The following NLRP11 variants were observed in gnomAD, a reference collection of about 807,000 sequenced individuals.
NLRP11 encodes NACHT, LRR and PYD domains-containing protein 11.
A neutral mutation model predicts 79.3 loss-of-function variants in NLRP11; 53 were observed. The observed-to-expected ratio is 0.67, with a 90% CI of 0.54 to 0.84. NLRP11 has a LOEUF of 0.84. Among genes scored for constraint, NLRP11 ranks in the 40% least tolerant of loss-of-function variants. NLRP11 has a pLI of 0.00. For missense variants in NLRP11, 1,264 were observed against 1,255.0 expected (o/e 1.01, Z -0.11); for synonymous variants, 518 against 462.6 (o/e 1.12, Z -1.54).
At chr19:55,829,805 C>G (rs1260402349) in intron 1 of NLRP11, among the ~76,000 whole-genome samples, 2 of 152,092 alleles carry the variant, frequency 1.3e-5, no homozygotes, top group Admixed American at 6.6e-5. Flanking sequence ...CAGTTGACTC[C>G]TGAACTCAAA....
intron 9 of NLRP11, among the ~76,000 whole-genome samples, chr19:55,787,447 G>A (rs529652439): frequency 2.0e-5 from 3 of 152,114 alleles, no homozygotes; most frequent in South Asian, 2.1e-4. Flanking sequence ...AGTGATTCTC[G>A]TGCCTCAGCC....
chr19:55,832,320 A>T (rs1982876214), upstream of NLRP11, among the ~76,000 whole-genome samples: 1 of 152,230 alleles, frequency 6.6e-6, no homozygotes, highest in South Asian at 2.1e-4. Flanking sequence ...ATTTCGGATA[A>T]CCATCTATAC....
At chr19:55,810,176 T>C in exon 3 of NLRP11, 1 of 1,614,040 alleles carries the variant, frequency 6.2e-7, no homozygotes, top group Non-Finnish European at 8.5e-7. Flanking sequence ...ATTGAGATTG[T>C]TTGCTGAATA....
At chr19:55,823,560 G>T (rs1982024794) in intron 1 of NLRP11, among the ~76,000 whole-genome samples, 1 of 141,216 alleles carries the variant, frequency 7.1e-6, no homozygotes, top group Non-Finnish European at 1.5e-5. Context: ...ATACAGAGAA[G>T]TGCTTAAAGG....
intron 2 of NLRP11, among the ~76,000 whole-genome samples, chr19:55,813,025 C>T (rs1340286783): frequency 1.3e-5 from 2 of 152,096 alleles, no homozygotes; most frequent in Non-Finnish European, 2.9e-5. Context: ...ATGTTGAAAA[C>T]TTATTAAAAT....
intron 4 of NLRP11, among the ~76,000 whole-genome samples, chr19:55,807,603 C>T (rs1980122530): frequency 6.6e-6 from 1 of 152,204 alleles, no homozygotes; most frequent in South Asian, 2.1e-4. Context: ...CTAGATAAAC[C>T]TTTCCTTCTC....
intron 7 of NLRP11, among the ~76,000 whole-genome samples, chr19:55,791,364 G>A (rs1990225591): frequency 6.6e-6 from 1 of 152,176 alleles, no homozygotes. Flanking sequence ...ATTCTAGAAA[G>A]AAAAGATATC....
intron 4 of NLRP11, among the ~76,000 whole-genome samples, chr19:55,804,190 C>A (rs76582587): frequency 6.6e-6 from 1 of 152,008 alleles, no homozygotes; most frequent in Non-Finnish European, 1.5e-5. Context: ...TCGACCATTG[C>A]GGAAAGCAGT....
chr19:55,808,971 A>G, exon 3 of NLRP11: 2 of 1,614,134 alleles, frequency 1.2e-6, no homozygotes, highest in East Asian at 4.5e-5. Context: ...TAGAGACAGT[A>G]AAACAAAGGC....
In NLRP11 at chr19:55,809,303, A is replaced by G. The variant is rs758133484; in HGVS notation, c.1307T>C (p.Leu436Pro). Residue 436 changes from leucine to proline, a missense_variant, in exon 3 of 10, where the codon CTT (leucine) becomes CCT (proline). Transcript: ENST00000589093. This position sits in a 1 kb window ranked among gnomAD's most constrained non-coding sequence, Gnocchi z 4.5. ...GTCTTTATGAGTGTTGCTCGGCAAAAGAATATTCGCGGCCTGCAACACAGA... is the reference window on the plus strand; with the variant it reads ...GTCTTTATGAGTGTTGCTCGGCAAAGGAATATTCGCGGCCTGCAACACAGA... 3 of 1,613,916 alleles carry G rather than the reference A, an allele frequency of 1.9e-6. No individual in the cohort carries two copies. The Admixed American group carries it at 5.0e-5, about 27-fold the overall frequency.
At chr19:55,806,777 G>A (rs1002575089) in intron 4 of NLRP11, among the ~76,000 whole-genome samples, 3 of 152,242 alleles carry the variant, frequency 2.0e-5, no homozygotes, top group Non-Finnish European at 4.4e-5. Flanking sequence ...ACATACTTGT[G>A]AGCCATCTCC....
At chr19:55,812,849 T>C (rs772030386) in intron 2 of NLRP11, among the ~76,000 whole-genome samples, 4 of 152,224 alleles carry the variant, frequency 2.6e-5, no homozygotes, top group African/African-American at 9.6e-5. Context: ...TCACCTTTTA[T>C]GATGAGCAAA....
exon 4 of NLRP11, chr19:55,807,867 T>C: frequency 1.9e-6 from 3 of 1,611,600 alleles, no homozygotes; most frequent in Non-Finnish European, 2.5e-6. Flanking sequence ...GTGTGCGAAG[T>C]TTACAGCTAG....
At chr19:55,811,970 T>TACACACACACACAC (rs3973377) in intron 2 of NLRP11, among the ~76,000 whole-genome samples, 36 of 149,214 alleles carry the variant, frequency 2.4e-4, no homozygotes, top group Middle Eastern at 3.4e-3. Flanking sequence ...TTCACACATG[T>TACACACACACACAC]ACACACACAC....
chr19:55,793,352 T>C (rs1268555575), intron 6 of NLRP11, among the ~76,000 whole-genome samples: 6 of 151,928 alleles, frequency 3.9e-5, no homozygotes, highest in Non-Finnish European at 8.8e-5. Flanking sequence ...GAAGATCACC[T>C]GAGTTCAGGA....
intron 2 of NLRP11, among the ~76,000 whole-genome samples, chr19:55,811,633 G>A (rs571698542): frequency 6.6e-6 from 1 of 152,180 alleles, no homozygotes; most frequent in Admixed American, 6.5e-5. Context: ...GCCTGGCAGA[G>A]ACAGGACTTT....
intron 4 of NLRP11, 50 bp from the exon 5 acceptor site, chr19:55,801,789 TCTC>T: frequency 6.7e-7 from 1 of 1,503,060 alleles, no homozygotes; most frequent in South Asian, 1.1e-5. Flanking sequence ...CTGAACATCT[TCTC>T]CACAATTTCT....
At chr19:55,788,037 C>T (rs954384638) in intron 9 of NLRP11, among the ~76,000 whole-genome samples, 2 of 152,186 alleles carry the variant, frequency 1.3e-5, no homozygotes, top group African/African-American at 4.8e-5. Context: ...CTGACACTCA[C>T]ATAGACTGTA....
intron 1 of NLRP11, among the ~76,000 whole-genome samples, chr19:55,831,029 C>A (rs1982711389): frequency 1.3e-5 from 2 of 151,986 alleles, no homozygotes; most frequent in Admixed American, 1.3e-4. Context: ...CCAATCCCCC[C>A]TGTAAATTCA....
Sources: allele counts gnomAD v4.1 joint callset (sites outside exome capture counted in the v4.1 genomes callset), GRCh38; gene constraint gnomAD v4.1.1; non-coding constraint Gnocchi (gnomAD v3.1); transcripts MANE v1.5; gene names NCBI Gene and HGNC (gene_info 2026-07-23, HGNC 2026-07-21).